Variants in SLC9A9 observed in about 807,000 individuals in gnomAD.
SLC9A9 encodes solute carrier family 9 member A9, also known as sodium/hydrogen exchanger 9.
Under a neutral mutation model 77.8 loss-of-function variants are expected in SLC9A9, and 62 were observed. The observed-to-expected ratio is 0.80, with a 90% CI of 0.65 to 0.98. The LOEUF (loss-of-function observed/expected upper bound fraction) is 0.98, where lower values mean the gene tolerates loss of function less well. Among genes scored for constraint, SLC9A9 ranks in the 50% least tolerant of loss-of-function variants. SLC9A9 has a pLI of 0.00. For synonymous variants in SLC9A9, 320 were observed against 283.5 expected (o/e 1.13, Z -1.29); for missense variants, 775 against 774.9 (o/e 1.00, Z 0.00).
chr3:143,301,888 C>T (rs2030539487), intron 14 of SLC9A9, among the ~76,000 whole-genome samples: 1 of 152,168 alleles, frequency 6.6e-6, no homozygotes, highest in African/African-American at 2.4e-5. Flanking sequence ...AATTTTCAAG[C>T]CACTCTTAAT....
Position 143,812,250 on chromosome 3 carries a change from G to A in SLC9A9, c.379-15347C>T, listed in dbSNP as rs567180806. The stretch of plus-strand genomic sequence containing the variant: ...CATTTGATTCAGCAACACCTCACCG[G>A]AGAATTTATCCTGCAGATATGCTTG... On this transcript the variant is annotated intron_variant, in intron 2 of 15. Transcript: ENST00000316549. 3.3e-4 allele frequency among the ~76,000 whole-genome samples: 51 copies of A among 152,298 alleles called. No homozygotes were observed. The South Asian group carries it at 9.1e-3, about 27-fold the overall frequency.
At chr3:143,503,979 G>T in intron 9 of SLC9A9, 1 of 408,052 alleles carries the variant, frequency 2.5e-6, no homozygotes, top group South Asian at 2.0e-5. Context: ...ATACACTGGT[G>T]AACTCCACAA....
intron 14 of SLC9A9, among the ~76,000 whole-genome samples, chr3:143,321,952 T>C (rs1235229861): frequency 6.6e-6 from 1 of 152,190 alleles, no homozygotes; most frequent in East Asian, 1.9e-4. Flanking sequence ...TTAGGAACCC[T>C]TGTTCTACCC....
At chr3:143,517,453 C>T (rs9857250) in intron 9 of SLC9A9, 525,565 of 1,595,890 alleles carry the variant, frequency 0.33, 93,272 homozygotes, top group Non-Finnish European at 0.37. Flanking sequence ...TCTCATGCTC[C>T]TCTTGAGCCT....
At chr3:143,455,832 CA>C (rs1259091786) in intron 12 of SLC9A9, among the ~76,000 whole-genome samples, 4 of 149,882 alleles carry the variant, frequency 2.7e-5, no homozygotes, top group African/African-American at 7.3e-5. Flanking sequence ...TCTATATAAA[CA>C]ATTATAAAGG....
intron 6 of SLC9A9, among the ~76,000 whole-genome samples, chr3:143,583,972 A>G (rs192291779): frequency 3.7e-4 from 56 of 152,344 alleles, no homozygotes; most frequent in Middle Eastern, 3.4e-3. Flanking sequence ...AATAAATGCT[A>G]GTAATGAAGA....
At chr3:143,614,639 G>GT (rs146074847) in intron 6 of SLC9A9, among the ~76,000 whole-genome samples, 3,182 of 152,230 alleles carry the variant, frequency 0.021, 119 homozygotes, top group African/African-American at 0.072. Context: ...ATGATATAAG[G>GT]TTTTTTATCT....
intron 9 of SLC9A9, among the ~76,000 whole-genome samples, chr3:143,531,767 A>G (rs1346553507): frequency 1.3e-5 from 2 of 152,260 alleles, no homozygotes; most frequent in African/African-American, 4.8e-5. Flanking sequence ...ACAATAAGGT[A>G]AAAAGTAAAC....
chr3:143,280,542 A>ATTTTTTTTTTTTTTTT (rs58879877), intron 14 of SLC9A9, among the ~76,000 whole-genome samples: 1 of 118,172 alleles, frequency 8.5e-6, no homozygotes, highest in Non-Finnish European at 1.8e-5. Context: ...CTAGAACTAC[A>ATTTTTTTTTTTTTTTT]TTTTTTTTTT....
chr3:143,693,334 AAACATC>A, intron 4 of SLC9A9, 27 bp from the exon 5 acceptor site: 3 of 1,537,508 alleles, frequency 2.0e-6, no homozygotes, highest in Non-Finnish European at 2.7e-6. Context: ...CATGACCTTC[AAACATC>A]AAGATGAACC....
In SLC9A9 at chr3:143,268,988, G is replaced by A. The variant is rs755476295; in HGVS notation, c.1605-8C>T. ...AAAATTGGTTTCAGATACCTGGGAG[G>A]CCTGTTAAGGAATACTTGTCAACAG... On this transcript the variant is annotated splice_polypyrimidine_tract_variant and splice_region_variant and intron_variant, in intron 14 of 15. Transcript: ENST00000316549. 1.9e-6 allele frequency: 3 copies of A among 1,587,626 alleles called. No individual in the cohort carries two copies. The South Asian group carries it at 3.3e-5, about 18-fold the overall frequency.
At chr3:143,384,073 C>T (rs373761512) in intron 12 of SLC9A9, among the ~76,000 whole-genome samples, 3 of 151,942 alleles carry the variant, frequency 2.0e-5, no homozygotes, top group Non-Finnish European at 4.4e-5. Context: ...AGGGGAGGAA[C>T]CTTTGATTCT....
chr3:143,613,036 A>G (rs1559993450), intron 6 of SLC9A9, among the ~76,000 whole-genome samples: 2 of 152,346 alleles, frequency 1.3e-5, no homozygotes, highest in East Asian at 3.9e-4. Flanking sequence ...TCCCAATAAC[A>G]TACTGCTTGT....
At chr3:143,790,029 G>A (rs2008170847) in intron 4 of SLC9A9, among the ~76,000 whole-genome samples, 1 of 152,254 alleles carries the variant, frequency 6.6e-6, no homozygotes, top group Non-Finnish European at 1.5e-5. Context: ...TGTTAGGGGA[G>A]GGACCTTGTG....
intron 14 of SLC9A9, among the ~76,000 whole-genome samples, chr3:143,290,606 T>TTTTTCTA (rs2029913515): frequency 1.3e-5 from 2 of 152,182 alleles, no homozygotes; most frequent in Non-Finnish European, 2.9e-5. Flanking sequence ...TCAGATTGCC[T>TTTTTCTA]TGCTAACACC....
At chr3:143,504,094 A>T in intron 9 of SLC9A9, 1 of 501,542 alleles carries the variant, frequency 2.0e-6, no homozygotes, top group South Asian at 1.5e-5. Context: ...CTCAGCCTTG[A>T]TGGTACTGTG....
At chr3:143,368,612 A>G (rs2108488196) in intron 13 of SLC9A9, among the ~76,000 whole-genome samples, 1 of 152,356 alleles carries the variant, frequency 6.6e-6, no homozygotes, top group Admixed American at 6.5e-5. Flanking sequence ...AACTGATAAC[A>G]AAGACAAATA....
At chr3:143,380,321 A>T (rs2033274093) in intron 13 of SLC9A9, among the ~76,000 whole-genome samples, 1 of 152,242 alleles carries the variant, frequency 6.6e-6, no homozygotes, top group South Asian at 2.1e-4. Context: ...CTAGTAGGAA[A>T]TTTTTACCAA....
At chr3:143,815,301 T>C (rs1474728377) in intron 2 of SLC9A9, among the ~76,000 whole-genome samples, 1 of 152,154 alleles carries the variant, frequency 6.6e-6, no homozygotes, top group African/African-American at 2.4e-5. Context: ...CAAAGAGCCC[T>C]TGTACATGGC....
Sources: allele counts gnomAD v4.1 joint callset (sites outside exome capture counted in the v4.1 genomes callset), GRCh38; gene constraint gnomAD v4.1.1; transcripts MANE v1.5; gene names NCBI Gene and HGNC (gene_info 2026-07-23, HGNC 2026-07-21).